Variants in ABCA4 observed in about 807,000 individuals in gnomAD.
ABCA4 encodes the protein retinal-specific phospholipid-transporting ATPase ABCA4.
Under a neutral mutation model 263.7 loss-of-function variants are expected in ABCA4, and 196 were observed. That is an observed-to-expected ratio of 0.74 (90% CI 0.66 to 0.84). The LOEUF (loss-of-function observed/expected upper bound fraction) is 0.84, where lower values mean the gene tolerates loss of function less well. Ranked by LOEUF, ABCA4 falls within the 40% of genes least tolerant of loss-of-function variation. The pLI is 0.00. For synonymous variants in ABCA4, 1,133 were observed against 1,094.2 expected (o/e 1.04, Z -0.70); for missense variants, 2,792 against 2,855.1 (o/e 0.98, Z 0.50).
chr1:94,038,815 G>A (rs903819354), intron 24 of ABCA4, among the ~76,000 whole-genome samples: 29 of 152,246 alleles, frequency 1.9e-4, no homozygotes, highest in African/African-American at 2.6e-4. Flanking sequence ...TGTGTGTGTG[G>A]TATGTGGGTG....
At chr1:93,995,274 A>C (rs1465742519) in intron 49 of ABCA4, among the ~76,000 whole-genome samples, 2 of 152,240 alleles carry the variant, frequency 1.3e-5, no homozygotes, top group Non-Finnish European at 2.9e-5. Context: ...TTTTTCTTGC[A>C]ATCCAGAAAC....
chr1:94,075,064 G>T (rs1661503632), intron 11 of ABCA4, among the ~76,000 whole-genome samples: 1 of 152,172 alleles, frequency 6.6e-6, no homozygotes, highest in Non-Finnish European at 1.5e-5. Context: ...CACAGGAACA[G>T]AAAACTAAAC....
At chr1:94,024,130 T>A (rs866410107) in intron 31 of ABCA4, among the ~76,000 whole-genome samples, 1 of 152,222 alleles carries the variant, frequency 6.6e-6, no homozygotes, top group Non-Finnish European at 1.5e-5. Context: ...GTGTTCTAGT[T>A]AATTAAGTCA....
chr1:94,019,019 G>GTTTTTTTTTTTTTTTTTTTTTTTTT (rs757258025), intron 36 of ABCA4, among the ~76,000 whole-genome samples: 1 of 76,436 alleles, frequency 1.3e-5, no homozygotes, highest in African/African-American at 6.2e-5. Flanking sequence ...AAACAACCAG[G>GTTTTTTTTTTTTTTTTTTTTTTTTT]TTTTTTTTTT....
At chr1:94,051,782 A>G (rs925354841) in intron 16 of ABCA4, 84 bp from the exon 17 acceptor site, 2 of 1,020,364 alleles carry the variant, frequency 2.0e-6, no homozygotes, top group African/African-American at 3.2e-5. Flanking sequence ...TCTAGAGTTT[A>G]TTTACCTGAA....
At chr1:94,118,142 G>T (rs11165076) in intron 1 of ABCA4, among the ~76,000 whole-genome samples, 32,429 of 151,976 alleles carry the variant, frequency 0.21, 3,570 homozygotes, top group Middle Eastern at 0.23. Flanking sequence ...CTTCTCTGGA[G>T]CCTCAGTGAC....
At chr1:94,013,061 G>A (rs1659597537) in intron 38 of ABCA4, among the ~76,000 whole-genome samples, 2 of 152,182 alleles carry the variant, frequency 1.3e-5, no homozygotes, top group African/African-American at 4.8e-5. Flanking sequence ...GCCTCAGAGG[G>A]GAAAATGTTC....
intron 31 of ABCA4, among the ~76,000 whole-genome samples, 154 bp from the exon 32 acceptor site, chr1:94,023,572 C>T (rs1281134639): frequency 3.3e-5 from 5 of 152,212 alleles, no homozygotes; most frequent in African/African-American, 9.7e-5. Context: ...GCCGCCCAGC[C>T]CTGGGACATT....
At chr1:94,065,693 C>A (rs984018511) in intron 11 of ABCA4, among the ~76,000 whole-genome samples, 3 of 152,166 alleles carry the variant, frequency 2.0e-5, no homozygotes, top group African/African-American at 2.4e-5. Flanking sequence ...TATTAGTGTT[C>A]CAGCTGATAT....
intron 45 of ABCA4, chr1:94,001,560 C>T (rs755002307): frequency 2.0e-5 from 12 of 590,100 alleles, no homozygotes; most frequent in South Asian, 1.2e-4. Context: ...GACCAGACAC[C>T]GACAGGCCGC....
intron 47 of ABCA4, 113 bp downstream of exon 47, chr1:94,000,723 C>T (rs1659149555): frequency 5.2e-6 from 6 of 1,158,376 alleles, no homozygotes; most frequent in Non-Finnish European, 7.8e-6. Context: ...CACCACCTGC[C>T]TCTGCCCCAG....
At chr1:94,062,818 C>T in intron 12 of ABCA4, 65 bp from the exon 13 acceptor site, 2 of 1,524,630 alleles carry the variant, frequency 1.3e-6, no homozygotes, top group Non-Finnish European at 1.8e-6. Context: ...ACCTCCCGAC[C>T]ACAGGGTGAC....
intron 14 of ABCA4, among the ~76,000 whole-genome samples, chr1:94,057,565 C>A (rs1206733779): frequency 2.0e-5 from 3 of 152,184 alleles, no homozygotes; most frequent in Admixed American, 2.0e-4. Flanking sequence ...AGGTTTGCTA[C>A]CCACACAGGT....
intron 5 of ABCA4, among the ~76,000 whole-genome samples, chr1:94,101,906 T>G (rs2101141066): frequency 6.6e-6 from 1 of 152,336 alleles, no homozygotes; most frequent in African/African-American, 2.4e-5. Flanking sequence ...CCAGTTCACC[T>G]GGAGTGGGCC....
At chr1:94,035,605 G>A (rs1408543027) in intron 26 of ABCA4, among the ~76,000 whole-genome samples, 2 of 152,194 alleles carry the variant, frequency 1.3e-5, no homozygotes, top group African/African-American at 4.8e-5. Context: ...ACTCCAACAG[G>A]AAAACACTGA....
intron 6 of ABCA4, among the ~76,000 whole-genome samples, chr1:94,090,357 TAA>T (rs200087268): frequency 3.6e-5 from 5 of 140,534 alleles, no homozygotes; most frequent in African/African-American, 5.2e-5. Context: ...TGGAGCCAAT[TAA>T]AAAAAAAAAA....
chr1:94,118,547 T>C (rs1662862996), intron 1 of ABCA4, among the ~76,000 whole-genome samples: 1 of 152,146 alleles, frequency 6.6e-6, no homozygotes, highest in Non-Finnish European at 1.5e-5. Context: ...ACTGAATCTG[T>C]TGGGGGTGCC....
At chr1:94,014,308 G>T (rs1659657746) in intron 38 of ABCA4, among the ~76,000 whole-genome samples, 1 of 148,524 alleles carries the variant, frequency 6.7e-6, no homozygotes. Context: ...CAATGAAAAA[G>T]GAAGGAAGGA....
At chr1:94,079,260 C>CAA in intron 9 of ABCA4, 62 bp downstream of exon 9, 1 of 1,606,114 alleles carries the variant, frequency 6.2e-7, no homozygotes, top group Non-Finnish European at 8.5e-7. Flanking sequence ...CACACACACA[C>CAA]ACACACACAC....
Sources: allele counts gnomAD v4.1 joint callset (sites outside exome capture counted in the v4.1 genomes callset), GRCh38; gene constraint gnomAD v4.1.1; transcripts MANE v1.5; gene names NCBI Gene and HGNC (gene_info 2026-07-23, HGNC 2026-07-21).